The following KCNMA1 variants were observed in gnomAD, a reference collection of about 807,000 sequenced individuals.
KCNMA1 encodes the protein Calcium-activated potassium channel subunit alpha-1.
In KCNMA1, 29 loss-of-function variants were observed where a neutral mutation model predicts 140.0. The ratio of observed to expected loss-of-function variants is 0.21; its 90% confidence interval spans 0.15 to 0.28. The LOEUF (loss-of-function observed/expected upper bound fraction) is 0.28, where lower values mean the gene tolerates loss of function less well. KCNMA1 is among the 10% of genes least tolerant of loss of function. The pLI is 1.00. For missense variants in KCNMA1, 880 were observed against 1,602.2 expected (o/e 0.55, Z 7.70); for synonymous variants, 612 against 611.9 (o/e 1.00, Z 0.00).
chr10:77,400,798 A>G (rs188442332), intron 2 of KCNMA1, among the ~76,000 whole-genome samples: 69 of 152,278 alleles, frequency 4.5e-4, no homozygotes, highest in Non-Finnish European at 8.8e-4. Flanking sequence ...CAAACTGATC[A>G]TAACATATAA....
At chr10:77,098,888 G>A (rs562596924) in intron 9 of KCNMA1, among the ~76,000 whole-genome samples, 1 of 151,772 alleles carries the variant, frequency 6.6e-6, no homozygotes, top group East Asian at 2.0e-4. Flanking sequence ...TCACCCCTCT[G>A]CATCTTATTC....
rs2052534633 is a variant in KCNMA1, at chr10:77,520,126, A to ATGCAGTGTGCGGGTG, written c.379-116104_379-116103insCACCCGCACACTGCA. ...GGGTGTGCAGTGTGAGGTCCGGGGT[A>ATGCAGTGTGCGGGTG]TGCAGTGTGAGGGTGTGCAGTGTGA... is the stretch of plus-strand genomic sequence containing the variant. On this transcript the variant is annotated intron_variant, in intron 1 of 27. Transcript: ENST00000286628. Among the ~76,000 whole-genome samples, 77 of 49,622 alleles carry ATGCAGTGTGCGGGTG rather than the reference A, an allele frequency of 1.6e-3. 1 individual carries two copies. Among genetic ancestry groups the ATGCAGTGTGCGGGTG allele is most frequent in the African/African-American group, 2.5e-3 (32 of 12,926 alleles). 32.6% of individuals were successfully genotyped at this position (49,622 alleles called of 152,430 possible).
At chr10:77,472,011 T>C (rs1218391242) in intron 1 of KCNMA1, among the ~76,000 whole-genome samples, 2 of 143,820 alleles carry the variant, frequency 1.4e-5, no homozygotes, top group African/African-American at 5.2e-5. Flanking sequence ...CACACACACA[T>C]ACACCACACA....
chr10:77,085,750 C>T (rs546221086), intron 11 of KCNMA1, among the ~76,000 whole-genome samples: 30 of 152,082 alleles, frequency 2.0e-4, no homozygotes, highest in Non-Finnish European at 3.7e-4. Flanking sequence ...CAAAATTATG[C>T]GGTGACCACA....
intron 1 of KCNMA1, among the ~76,000 whole-genome samples, chr10:77,557,523 C>G (rs2064934054): frequency 6.6e-6 from 1 of 152,170 alleles, no homozygotes; most frequent in African/African-American, 2.4e-5. Flanking sequence ...TCTCATCCTC[C>G]TTAGGGCTTC....
intron 14 of KCNMA1, among the ~76,000 whole-genome samples, chr10:77,067,521 G>A (rs2096003277): frequency 6.6e-6 from 1 of 152,150 alleles, no homozygotes; most frequent in Non-Finnish European, 1.5e-5. Context: ...CACACACAGA[G>A]ACACCATTGC....
At chr10:77,472,467 G>C (rs1413211472) in intron 1 of KCNMA1, among the ~76,000 whole-genome samples, 1 of 149,438 alleles carries the variant, frequency 6.7e-6, no homozygotes, top group Non-Finnish European at 1.5e-5. Flanking sequence ...CACACACAGA[G>C]AGCATACATA....
chr10:77,488,307 G>A (rs2098485322), intron 1 of KCNMA1, among the ~76,000 whole-genome samples: 1 of 152,206 alleles, frequency 6.6e-6, no homozygotes, highest in Non-Finnish European at 1.5e-5. Context: ...CTGGGGAAGG[G>A]GGATGGCATC....
chr10:77,353,476 C>A (rs562094804), intron 2 of KCNMA1, among the ~76,000 whole-genome samples: 36 of 152,038 alleles, frequency 2.4e-4, no homozygotes, highest in African/African-American at 7.7e-4. Flanking sequence ...TATTGCCAGA[C>A]AATATATATG....
intron 9 of KCNMA1, among the ~76,000 whole-genome samples, chr10:77,097,577 C>G (rs2096966065): frequency 6.6e-6 from 1 of 152,172 alleles, no homozygotes; most frequent in Non-Finnish European, 1.5e-5. Flanking sequence ...CACCCTGAAT[C>G]TACTAGCATA....
At chr10:77,405,546 TAGTATA>T (rs1220248818) in intron 1 of KCNMA1, among the ~76,000 whole-genome samples, 6 of 152,238 alleles carry the variant, frequency 3.9e-5, no homozygotes, top group African/African-American at 1.4e-4. Flanking sequence ...AATAACTTTT[TAGTATA>T]AGTATATTCC....
At chr10:76,876,627 G>A (rs1022754020), downstream of KCNMA1, 1 of 152,190 alleles carries the variant, frequency 6.6e-6, no homozygotes, top group Non-Finnish European at 1.5e-5. Flanking sequence ...ACAAGTTCAT[G>A]TGTTTGGCCC....
intron 1 of KCNMA1, among the ~76,000 whole-genome samples, chr10:77,545,488 T>C (rs2061234970): frequency 6.6e-6 from 1 of 152,162 alleles, no homozygotes; most frequent in African/African-American, 2.4e-5. Flanking sequence ...GGGTTTTCTT[T>C]GGTTTATAAA....
At chr10:77,411,697 G>A (rs1030711036) in intron 1 of KCNMA1, among the ~76,000 whole-genome samples, 13 of 152,196 alleles carry the variant, frequency 8.5e-5, no homozygotes, top group African/African-American at 2.9e-4. Flanking sequence ...CCACTTCTGG[G>A]TACTGCTTGT....
intron 6 of KCNMA1, among the ~76,000 whole-genome samples, chr10:77,114,676 C>T (rs545752977): frequency 6.6e-6 from 1 of 152,350 alleles, no homozygotes; most frequent in East Asian, 1.9e-4. Context: ...GTCGTTCCAT[C>T]CATCTGCAAG....
At chr10:77,583,696 G>A (rs2076459703) in intron 1 of KCNMA1, among the ~76,000 whole-genome samples, 1 of 152,320 alleles carries the variant, frequency 6.6e-6, no homozygotes, top group South Asian at 2.1e-4. Flanking sequence ...CTGGCCTGGG[G>A]CAGAGCAGAT....
chr10:77,240,465 A>C (rs941718904), intron 3 of KCNMA1, among the ~76,000 whole-genome samples: 2 of 152,206 alleles, frequency 1.3e-5, no homozygotes, highest in Non-Finnish European at 2.9e-5. Context: ...ATGGAGGAGC[A>C]AGGGTTAAGA....
At chr10:76,968,453 C>A (rs1365394777) in intron 20 of KCNMA1, among the ~76,000 whole-genome samples, 1 of 152,176 alleles carries the variant, frequency 6.6e-6, no homozygotes, top group Non-Finnish European at 1.5e-5. Flanking sequence ...GGGAATTTGG[C>A]TCCAAAGGTT....
At chr10:77,621,523 T>TACAC (rs55689211) in intron 1 of KCNMA1, among the ~76,000 whole-genome samples, 9 of 146,660 alleles carry the variant, frequency 6.1e-5, no homozygotes, top group East Asian at 3.9e-4. Context: ...TACGTACATG[T>TACAC]ACACACACAC....
Sources: gnomAD v4.1 joint callset for allele counts (sites outside exome capture counted in the v4.1 genomes callset) on GRCh38, gnomAD v4.1.1 for gene constraint, MANE v1.5 for transcripts, NCBI Gene and HGNC (gene_info 2026-07-23, HGNC 2026-07-21) for gene names.